The following PTPRZ1 variants were observed in gnomAD, a reference collection of about 807,000 sequenced individuals.
The protein encoded by PTPRZ1 is protein tyrosine phosphatase receptor type Z1.
In PTPRZ1, 82 loss-of-function variants were observed where a neutral mutation model predicts 214.1. The ratio of observed to expected loss-of-function variants is 0.38; its 90% CI spans 0.32 to 0.46. The LOEUF (loss-of-function observed/expected upper bound fraction) is 0.46. Ranked by LOEUF, PTPRZ1 falls within the 20% of genes least tolerant of loss-of-function variation. The pLI, the probability that PTPRZ1 is intolerant of heterozygous loss-of-function variation, is 1.00. For synonymous variants in PTPRZ1, 945 were observed against 987.9 expected (o/e 0.96, Z 0.81); for missense variants, 2,603 against 2,748.7 (o/e 0.95, Z 1.19).
intron 2 of PTPRZ1, among the ~76,000 whole-genome samples, chr7:121,963,874 T>G (rs1184208944): frequency 6.6e-6 from 1 of 152,132 alleles, no homozygotes; most frequent in East Asian, 1.9e-4. Context: ...CCACACTCAG[T>G]GTAATCATTC....
intron 3 of PTPRZ1, among the ~76,000 whole-genome samples, chr7:121,970,416 C>T (rs997518327): frequency 6.6e-6 from 1 of 152,164 alleles, no homozygotes; most frequent in African/African-American, 2.4e-5. Flanking sequence ...ACAGTCCCAC[C>T]AACAGTGTAA....
intron 1 of PTPRZ1, among the ~76,000 whole-genome samples, chr7:121,885,600 A>G (rs554269380): frequency 5.3e-5 from 8 of 152,274 alleles, no homozygotes; most frequent in Admixed American, 3.3e-4. Context: ...CTTTTTAACT[A>G]TTCAGTATTC....
intron 2 of PTPRZ1, among the ~76,000 whole-genome samples, chr7:121,934,163 A>C (rs757081695): frequency 1.2e-4 from 18 of 152,162 alleles, no homozygotes; most frequent in Non-Finnish European, 2.1e-4. Context: ...ACTGGAGGAA[A>C]AAATAATTTT....
chr7:121,965,504 C>A (rs906744245), intron 2 of PTPRZ1, among the ~76,000 whole-genome samples: 12 of 152,150 alleles, frequency 7.9e-5, no homozygotes, highest in African/African-American at 2.7e-4. Context: ...GGTCACTTCT[C>A]CAAAACTAGC....
intron 1 of PTPRZ1, among the ~76,000 whole-genome samples, chr7:121,903,543 A>G (rs1459610749): frequency 6.6e-6 from 1 of 152,214 alleles, no homozygotes; most frequent in African/African-American, 2.4e-5. Flanking sequence ...GCATTAAGGC[A>G]CATCAAATCA....
chr7:121,934,920 A>G (rs948181765), intron 2 of PTPRZ1, among the ~76,000 whole-genome samples: 2 of 152,194 alleles, frequency 1.3e-5, no homozygotes, highest in African/African-American at 4.8e-5. Context: ...ACCTATGTGT[A>G]TTGACTCTAT....
chr7:121,976,694 T>G, intron 5 of PTPRZ1, 91 bp from the exon 6 acceptor site: 2 of 1,058,392 alleles, frequency 1.9e-6, no homozygotes, highest in Non-Finnish European at 2.7e-6. Flanking sequence ...AATGCACATA[T>G]TTAAAATGGA....
chr7:121,991,019 A>G (rs1432125457), intron 8 of PTPRZ1, among the ~76,000 whole-genome samples: 1 of 152,150 alleles, frequency 6.6e-6, no homozygotes, highest in African/African-American at 2.4e-5. Flanking sequence ...CACAGGGGGG[A>G]AAATCAGACC....
At position 122,010,358 on chromosome 7, in the gene PTPRZ1, G is replaced by A; in HGVS notation, c.1312G>A (p.Glu438Lys). The A allele has an allele frequency of 6.2e-7, 1 of 1,609,130 alleles. No individual in the cohort carries two copies. ...GGAGGAGGAAGAGGGAAAAGACATT[G>A]AAGAAGGCGCTATTGTGAATCCTGG... ...IKEEEEGKDI[E>K]EGAIVNPGRD... Residue 438 changes from glutamate to lysine, a missense_variant, in exon 12 of 30, where the codon GAA (glutamate) becomes AAA (lysine). Glu to Lys is a moderately conservative substitution (Grantham distance 56). Coordinates refer to ENST00000393386, the MANE Select transcript of PTPRZ1 (RefSeq NM_002851.3).
intron 25 of PTPRZ1, 128 bp downstream of exon 25, chr7:122,052,067 C>T (rs1792204208): frequency 3.1e-6 from 2 of 653,302 alleles, no homozygotes; most frequent in South Asian, 2.3e-5. Context: ...AATCTGTTGA[C>T]TGCAAGCCCA....
At chr7:121,909,743 T>A (rs1795216625) in intron 1 of PTPRZ1, among the ~76,000 whole-genome samples, 1 of 152,120 alleles carries the variant, frequency 6.6e-6, no homozygotes, top group South Asian at 2.1e-4. Context: ...AGTAAAAAGG[T>A]AATATATAGT....
rs760548573 is a variant in PTPRZ1 at position 121,984,086 on chromosome 7, A to G, written c.897A>G (p.Ser299=). 2 of 1,613,424 alleles carry G rather than the reference A, an allele frequency of 1.2e-6. No individual in the cohort carries two copies. Among genetic ancestry groups the G allele is most frequent in the Non-Finnish European group, 1.7e-6 (2 of 1,179,628 alleles). ...QYKFSRQVFS[S]YTGKEEIHEA... is the part of the protein sequence containing the mutation. ...AGTTCTCTAGACAGGTGTTTTCCTC[A>G]TACACTGGAAAGGAAGAGATTCATG... is the stretch of plus-strand genomic sequence containing the variant. The change falls in exon 8 of 30, where the codon TCA becomes TCG. Residue 299 remains serine (S), a synonymous_variant. Coordinates refer to ENST00000393386, the MANE Select transcript of PTPRZ1 (RefSeq NM_002851.3).
intron 23 of PTPRZ1, among the ~76,000 whole-genome samples, chr7:122,049,804 T>G (rs780233887): frequency 2.0e-5 from 3 of 152,128 alleles, no homozygotes; most frequent in Non-Finnish European, 4.4e-5. Flanking sequence ...GCATGGAAAA[T>G]TAAACAGCCA....
Position 121,873,205 on chromosome 7 carries a change from G to C in PTPRZ1, c.-295G>C. On this transcript the variant is annotated 5_prime_UTR_variant, in exon 1 of 30. Coordinates refer to ENST00000393386, the MANE Select transcript of PTPRZ1 (RefSeq NM_002851.3). ...CGGCGAAAGAGGCAAAGTCCCGCAC[G>C]CCGGAGGACATGCGCCTCGGCTAGC... 1 of 425,670 alleles carries C rather than the reference G, an allele frequency of 2.3e-6. No homozygotes were observed. The highest frequency in any genetic ancestry group is 4.1e-6 in the Non-Finnish European group (1 of 241,998). 26.4% of individuals were successfully genotyped at this position (425,670 alleles called of 1,614,324 possible).
intron 14 of PTPRZ1, among the ~76,000 whole-genome samples, chr7:122,029,511 G>C (rs1261123446): frequency 6.6e-6 from 1 of 151,832 alleles, no homozygotes; most frequent in African/African-American, 2.4e-5. Context: ...GGAAATAGAG[G>C]ACAATAAAAG....
At chr7:122,013,993 A>G in intron 12 of PTPRZ1, 104 bp downstream of exon 12, 1 of 965,930 alleles carries the variant, frequency 1.0e-6, no homozygotes, top group Non-Finnish European at 1.5e-6. Flanking sequence ...ATGGTACATC[A>G]TCATTTTTAA....
chr7:121,940,392 T>A (rs1268132100), intron 2 of PTPRZ1, among the ~76,000 whole-genome samples: 1 of 152,190 alleles, frequency 6.6e-6, no homozygotes, highest in Non-Finnish European at 1.5e-5. Flanking sequence ...TTCTGGGGAG[T>A]TCATAGTGAG....
chr7:121,911,383 A>G (rs922703281), intron 1 of PTPRZ1, among the ~76,000 whole-genome samples: 2 of 152,144 alleles, frequency 1.3e-5, no homozygotes, highest in African/African-American at 4.8e-5. Context: ...TACTGATGAC[A>G]GAGTAATCTG....
rs1425821528 is a variant in PTPRZ1 at position 122,010,382 on chromosome 7, G to A, written c.1336G>A (p.Gly446Ser). The A allele has an allele frequency of 1.2e-6, 2 of 1,613,736 alleles. No homozygotes were observed. The highest frequency in any genetic ancestry group is 4.5e-5 in the East Asian group (2 of 44,884). The change falls in exon 12 of 30, where the codon GGT becomes AGT. Residue 446 changes from glycine (G) to serine (S), a missense_variant. Physicochemically the swap from Gly to Ser is moderately conservative, Grantham distance 56 (BLOSUM62 0). Transcript: ENST00000393386. ...TGAAGAAGGCGCTATTGTGAATCCTGGTAGAGACAGTGCTACAAACCAAAT... is the reference window on the plus strand; with the variant it reads ...TGAAGAAGGCGCTATTGTGAATCCTAGTAGAGACAGTGCTACAAACCAAAT... ...DIEEGAIVNP[G>S]RDSATNQIRK...
Sources: gnomAD v4.1 joint callset for allele counts (sites outside exome capture counted in the v4.1 genomes callset) on GRCh38, gnomAD v4.1.1 for gene constraint, MANE v1.5 for transcripts, NCBI Gene and HGNC (gene_info 2026-07-23, HGNC 2026-07-21) for gene names.